IL1RAPL1: variants seen among roughly 807,000 people sequenced by gnomAD.
The protein encoded by IL1RAPL1 is interleukin 1 receptor accessory protein like 1, also known as interleukin-1 receptor accessory protein-like 1.
Under a neutral mutation model 48.4 loss-of-function variants are expected in IL1RAPL1, and 3 were observed. The observed-to-expected ratio is 0.06, with a 90% CI of 0.03 to 0.16. The LOEUF (loss-of-function observed/expected upper bound fraction) is 0.16, where lower values mean the gene tolerates loss of function less well. Among genes scored for constraint, IL1RAPL1 ranks in the 10% least tolerant of loss-of-function variants. The probability of loss-of-function intolerance (pLI) is 1.00; values close to 1 mark genes in which losing one functional copy is unlikely to be tolerated. For missense variants in IL1RAPL1, 349 were observed against 530.6 expected (o/e 0.66, Z 3.36); for synonymous variants, 185 against 187.7 (o/e 0.99, Z 0.12).
intron 3 of IL1RAPL1, among the ~76,000 whole-genome samples, chrX:29,291,510 C>G (rs755016639): frequency 9.0e-6 from 1 of 111,154 alleles, no homozygotes. Context: ...CACCCACCAA[C>G]CTGTCATCTA....
chrX:28,593,183 A>C (rs1933922041), intron 1 of IL1RAPL1, among the ~76,000 whole-genome samples: 1 of 111,377 alleles, frequency 9.0e-6, no homozygotes, highest in South Asian at 3.7e-4. Flanking sequence ...AAGATCCTTA[A>C]TTGACATGCT....
In IL1RAPL1 at chrX:29,530,983, T is replaced by C. The variant is rs759640722; in HGVS notation, c.703+131675T>C. On this transcript the variant is annotated intron_variant, in intron 5 of 10. Coordinates refer to ENST00000378993, the MANE Select transcript of IL1RAPL1 (RefSeq NM_014271.4). ...AAATTTACTTTAGAATTAAAGACAT[T>C]ATGCATTTGAAAGGTTGGGCCTAGA... Among the ~76,000 whole-genome samples the C allele has an allele frequency of 1.2e-4, 14 of 112,253 alleles. No homozygotes were observed. In the East Asian group the frequency reaches 3.4e-3, roughly 27 times the overall value.
intron 1 of IL1RAPL1, among the ~76,000 whole-genome samples, chrX:28,717,933 G>A (rs2146938168): frequency 9.0e-6 from 1 of 111,575 alleles, no homozygotes; most frequent in African/African-American, 3.2e-5. Context: ...CTGAAAGGCT[G>A]ATCTTCTCTG....
intron 6 of IL1RAPL1, among the ~76,000 whole-genome samples, chrX:29,677,328 G>A (rs925313538): frequency 9.0e-6 from 1 of 111,505 alleles, no homozygotes; most frequent in Non-Finnish European, 1.9e-5. Flanking sequence ...CAGATTTGTG[G>A]GTAAATTGAA....
At chrX:29,252,130 G>C (rs1423041830) in intron 2 of IL1RAPL1, among the ~76,000 whole-genome samples, 16 of 109,200 alleles carry the variant, frequency 1.5e-4, no homozygotes, top group Non-Finnish European at 2.5e-4. Context: ...TAAGGGGAGG[G>C]GGGAGGGATA....
chrX:29,470,655 A>G (rs1438320104), intron 5 of IL1RAPL1, among the ~76,000 whole-genome samples: 1 of 111,216 alleles, frequency 9.0e-6, no homozygotes, highest in African/African-American at 3.3e-5. Flanking sequence ...TATTTTAGAG[A>G]TAGGGTCTCA....
intron 2 of IL1RAPL1, among the ~76,000 whole-genome samples, chrX:29,089,778 A>ATATATATATATG (rs1928045053): frequency 1.2e-5 from 1 of 83,229 alleles, no homozygotes; most frequent in Non-Finnish European, 2.3e-5. Flanking sequence ...ATATATATAT[A>ATATATATATATG]TATATATATG....
intron 2 of IL1RAPL1, among the ~76,000 whole-genome samples, chrX:29,234,870 A>C (rs772835839): frequency 8.9e-6 from 1 of 112,616 alleles, no homozygotes; most frequent in Admixed American, 9.4e-5. Flanking sequence ...ATATTTTCAC[A>C]GTGCCTGGCC....
chrX:29,578,363 G>A (rs1922844365), intron 5 of IL1RAPL1, among the ~76,000 whole-genome samples: 1 of 112,152 alleles, frequency 8.9e-6, no homozygotes, highest in African/African-American at 3.2e-5. Context: ...TGAGGATGAT[G>A]ATTATACCTA....
chrX:29,484,669 T>C (rs184785687), intron 5 of IL1RAPL1, among the ~76,000 whole-genome samples: 49 of 111,742 alleles, frequency 4.4e-4, no homozygotes, highest in Non-Finnish European at 7.5e-4. Flanking sequence ...AAAGTGCATG[T>C]TGAAATCGGT....
At chrX:29,436,080 T>C (rs1569310777) in intron 5 of IL1RAPL1, among the ~76,000 whole-genome samples, 1 of 109,428 alleles carries the variant, frequency 9.1e-6, no homozygotes, top group Non-Finnish European at 1.9e-5. Flanking sequence ...ATTAAGTCCA[T>C]TGGACTGGCA....
chrX:29,834,016 T>TC (rs1166251910), intron 6 of IL1RAPL1, among the ~76,000 whole-genome samples: 2 of 112,126 alleles, frequency 1.8e-5, no homozygotes, highest in Non-Finnish European at 3.8e-5. Flanking sequence ...AGCCATCGCC[T>TC]CCACCATAAA....
chrX:29,773,825 G>A (rs1366747439), intron 6 of IL1RAPL1, among the ~76,000 whole-genome samples: 1 of 111,466 alleles, frequency 9.0e-6, no homozygotes, highest in Non-Finnish European at 1.9e-5. Flanking sequence ...CTATGCTAAG[G>A]CCTGAACAAA....
chrX:28,901,980 G>T (rs776750080), intron 2 of IL1RAPL1, among the ~76,000 whole-genome samples: 9 of 111,059 alleles, frequency 8.1e-5, no homozygotes, highest in African/African-American at 2.9e-4. Flanking sequence ...TTTTAAATCT[G>T]CATCTAATGA....
intron 2 of IL1RAPL1, among the ~76,000 whole-genome samples, chrX:29,028,913 A>G (rs1235444532): frequency 9.0e-6 from 1 of 110,881 alleles, no homozygotes; most frequent in East Asian, 2.9e-4. Context: ...GTATTCATCC[A>G]TTCTCATACT....
At chrX:29,334,960 C>T (rs1259836890) in intron 3 of IL1RAPL1, among the ~76,000 whole-genome samples, 18 of 112,478 alleles carry the variant, frequency 1.6e-4, no homozygotes, top group African/African-American at 4.8e-4. Flanking sequence ...GCCGAGATCA[C>T]GCCACTGCAC....
At chrX:29,179,259 C>T (rs979037967) in intron 2 of IL1RAPL1, among the ~76,000 whole-genome samples, 1 of 111,179 alleles carries the variant, frequency 9.0e-6, no homozygotes, top group Non-Finnish European at 1.9e-5. Flanking sequence ...GTTTGTGTCC[C>T]CTTTTATTTC....
intron 2 of IL1RAPL1, among the ~76,000 whole-genome samples, chrX:29,268,568 A>C (rs1288627615): frequency 8.9e-6 from 1 of 112,276 alleles, no homozygotes; most frequent in Non-Finnish European, 1.9e-5. Flanking sequence ...TGTCATCACT[A>C]AGGGCAAGCC....
chrX:28,843,219 C>T (rs753751416), intron 2 of IL1RAPL1, among the ~76,000 whole-genome samples: 8 of 107,433 alleles, frequency 7.4e-5, no homozygotes, highest in Non-Finnish European at 1.2e-4. Flanking sequence ...CCCTCGCTAT[C>T]GGGATCATTT....
Sources: gnomAD v4.1 joint callset for allele counts (sites outside exome capture counted in the v4.1 genomes callset) on GRCh38, gnomAD v4.1.1 for gene constraint, MANE v1.5 for transcripts, NCBI Gene and HGNC (gene_info 2026-07-23, HGNC 2026-07-21) for gene names.